SHISA9: variants seen among roughly 807,000 people sequenced by gnomAD.
The protein encoded by SHISA9 is protein shisa-9.
A neutral mutation model predicts 38.0 loss-of-function variants in SHISA9; 13 were observed. That is an observed-to-expected ratio of 0.34 (90% CI 0.22 to 0.54). The LOEUF is 0.54. Ranked by LOEUF, SHISA9 falls within the 20% of genes least tolerant of loss-of-function variation. The pLI is 0.91. For missense variants in SHISA9, 538 were observed against 575.8 expected (o/e 0.93, Z 0.67); for synonymous variants, 275 against 242.0 (o/e 1.14, Z -1.27).
chr16:13,348,878 T>A, the SHISA9 span, among the ~76,000 whole-genome samples: 6 of 152,090 alleles, frequency 3.9e-5, no homozygotes, highest in African/African-American at 1.4e-4. Context: ...CTTTGTGGCC[T>A]CACCAGCTTG....
intron 2 of SHISA9, among the ~76,000 whole-genome samples, chr16:13,117,061 C>G (rs1306858655): frequency 6.6e-6 from 1 of 152,174 alleles, no homozygotes; most frequent in Admixed American, 6.5e-5. Flanking sequence ...CAACCTCCAC[C>G]TCCCAGGTTC....
intron 3 of SHISA9, among the ~76,000 whole-genome samples, chr16:13,207,395 G>A (rs1462083212): frequency 6.6e-6 from 1 of 152,114 alleles, no homozygotes; most frequent in Non-Finnish European, 1.5e-5. Flanking sequence ...CACTCTTTGA[G>A]TAACCCTCTG....
At chr16:13,317,081 C>A in the SHISA9 span, among the ~76,000 whole-genome samples, 3 of 152,176 alleles carry the variant, frequency 2.0e-5, no homozygotes, top group Non-Finnish European at 2.9e-5. Context: ...CCAGTAGAGC[C>A]CCAGAGGTCA....
At position 13,154,618 on chromosome 16, in the gene SHISA9, A is replaced by G. The variant is rs571328011; in HGVS notation, c.692-48776A>G. Among the ~76,000 whole-genome samples, 6 of 152,348 alleles carry G rather than the reference A, an allele frequency of 3.9e-5. No individual in the cohort carries two copies. The South Asian group carries it at 8.3e-4, about 21-fold the overall frequency. ...CAATACAACTTTGTTGATTTAAGCT[A>G]CTGAGATTTTGAGGCTGTTGGATGC... is the stretch of plus-strand genomic sequence containing the variant. On this transcript the variant is annotated intron_variant, in intron 2 of 4. Coordinates refer to ENST00000558583, the MANE Select transcript of SHISA9 (RefSeq NM_001145204.3).
the SHISA9 span, among the ~76,000 whole-genome samples, chr16:13,315,341 G>A: frequency 1.2e-4 from 19 of 152,340 alleles, no homozygotes; most frequent in African/African-American, 3.6e-4. Flanking sequence ...GTCAAAGGAC[G>A]TAGCATAGTG....
At chr16:12,907,937 TAG>T (rs71393721) in intron 1 of SHISA9, among the ~76,000 whole-genome samples, 4 of 152,208 alleles carry the variant, frequency 2.6e-5, no homozygotes, top group Non-Finnish European at 5.9e-5. Context: ...CTGCAGCCTC[TAG>T]AGAGTCAGTC....
intron 2 of SHISA9, among the ~76,000 whole-genome samples, chr16:13,187,588 G>C (rs112276747): frequency 3.3e-5 from 5 of 151,986 alleles, no homozygotes; most frequent in Admixed American, 3.3e-4. Context: ...ACCCACCCCT[G>C]CCTCCCAAAG....
chr16:13,256,767 C>A, the SHISA9 span, among the ~76,000 whole-genome samples: 6 of 152,206 alleles, frequency 3.9e-5, no homozygotes, highest in Non-Finnish European at 7.3e-5. Context: ...TCTTTTACTA[C>A]ACGGTGTTGC....
the SHISA9 span, among the ~76,000 whole-genome samples, chr16:13,480,556 C>A: frequency 1.3e-5 from 2 of 152,286 alleles, no homozygotes; most frequent in East Asian, 3.9e-4. Flanking sequence ...AACCCCACTT[C>A]CATTTTTCCT....
At chr16:13,196,268 G>A (rs2819691) in intron 2 of SHISA9, among the ~76,000 whole-genome samples, 77,612 of 149,260 alleles carry the variant, frequency 0.52, 21,427 homozygotes, top group African/African-American at 0.72. Context: ...GAGGTGGCGC[G>A]TGCCTGTAGT....
intron 2 of SHISA9, among the ~76,000 whole-genome samples, chr16:13,163,002 GA>G (rs2050608738): frequency 6.6e-6 from 1 of 152,072 alleles, no homozygotes; most frequent in Non-Finnish European, 1.5e-5. Flanking sequence ...AATAATGAAT[GA>G]AAGAAGGAAA....
chr16:13,200,318 G>A (rs916681249), intron 2 of SHISA9, among the ~76,000 whole-genome samples: 49 of 151,456 alleles, frequency 3.2e-4, no homozygotes, highest in African/African-American at 1.1e-3. Flanking sequence ...TGCCAATCAC[G>A]GTAACTGTCT....
At chr16:12,970,418 C>CACATATATAT (rs2072054428) in intron 2 of SHISA9, among the ~76,000 whole-genome samples, 11 of 9,578 alleles carry the variant, frequency 1.1e-3, no homozygotes, top group South Asian at 4.7e-3. Context: ...TATATATATA[C>CACATATATAT]ACATATATGT....
intron 2 of SHISA9, among the ~76,000 whole-genome samples, chr16:13,125,021 A>G (rs1040705208): frequency 6.6e-6 from 1 of 152,190 alleles, no homozygotes; most frequent in African/African-American, 2.4e-5. Flanking sequence ...ATGACTACAA[A>G]AACATGAGAC....
intron 2 of SHISA9, among the ~76,000 whole-genome samples, chr16:12,986,326 C>T (rs375680525): frequency 9.9e-5 from 15 of 152,074 alleles, no homozygotes; most frequent in African/African-American, 3.6e-4. Context: ...TTCTTGCTTG[C>T]TATTTGTGTG....
At chr16:13,075,043 G>C (rs2073565005) in intron 2 of SHISA9, among the ~76,000 whole-genome samples, 1 of 152,170 alleles carries the variant, frequency 6.6e-6, no homozygotes, top group African/African-American at 2.4e-5. Context: ...TTATGGTAGA[G>C]ATGATTGTAC....
At chr16:13,408,679 A>G in the SHISA9 span, among the ~76,000 whole-genome samples, 1 of 152,196 alleles carries the variant, frequency 6.6e-6, no homozygotes, top group Non-Finnish European at 1.5e-5. Flanking sequence ...ACTTTAGAAG[A>G]ATTTCCCACA....
At chr16:13,036,388 A>T (rs2073063590) in intron 2 of SHISA9, among the ~76,000 whole-genome samples, 1 of 152,226 alleles carries the variant, frequency 6.6e-6, no homozygotes, top group Non-Finnish European at 1.5e-5. Flanking sequence ...TTCATACTAC[A>T]TAATTTCATT....
Position 13,069,284 on chromosome 16 carries a change from C to T in SHISA9, c.692-134110C>T, listed in dbSNP as rs529217292. On this transcript the variant is annotated intron_variant, in intron 2 of 4. Transcript: ENST00000558583. ...ACATGCAATGTGTGCGTGTGTGTAC[C>T]TGCAATGTATGCGTGTGTATATGTG... Among the ~76,000 whole-genome samples the T allele has an allele frequency of 3.4e-5, 5 of 149,132 alleles. No individual in the cohort carries two copies. The East Asian group carries it at 1.0e-3, about 30-fold the overall frequency.
Sources: gnomAD v4.1 joint callset for allele counts (sites outside exome capture counted in the v4.1 genomes callset) on GRCh38, gnomAD v4.1.1 for gene constraint, MANE v1.5 for transcripts, NCBI Gene and HGNC (gene_info 2026-07-23, HGNC 2026-07-21) for gene names.